The following GOLGA7B variants were observed in gnomAD, a reference collection of about 807,000 sequenced individuals.
GOLGA7B encodes golgin A7 family member B.
In GOLGA7B, 17 loss-of-function variants were observed where a neutral mutation model predicts 21.5. That is an observed-to-expected ratio of 0.79 (90% CI 0.54 to 1.19). The LOEUF (loss-of-function observed/expected upper bound fraction) is 1.19, where lower values mean the gene tolerates loss of function less well. Ranked by LOEUF, GOLGA7B falls within the 50% of genes most tolerant of loss-of-function variation. The pLI, the probability that GOLGA7B is intolerant of heterozygous loss-of-function variation, is 0.00. For synonymous variants in GOLGA7B, 87 were observed against 84.0 expected, an observed-to-expected ratio of 1.04 and a Z score of -0.19; for missense variants, 169 against 224.4, an observed-to-expected ratio of 0.75 and a Z score of 1.58.
intron 1 of GOLGA7B, among the ~76,000 whole-genome samples, 179 bp downstream of exon 1, chr10:97,850,494 A>C (rs1057376795): frequency 5.3e-5 from 8 of 151,660 alleles, no homozygotes; most frequent in African/African-American, 1.9e-4. Flanking sequence ...CTTGCGTGTC[A>C]ATCTTCCCCT....
At chr10:97,862,686 G>GACCCAC (rs1287327228) in intron 2 of GOLGA7B, among the ~76,000 whole-genome samples, 2 of 152,012 alleles carry the variant, frequency 1.3e-5, no homozygotes, top group Admixed American at 1.3e-4. Flanking sequence ...CATATACATG[G>GACCCAC]ACCCACACAG....
intron 1 of GOLGA7B, among the ~76,000 whole-genome samples, chr10:97,856,390 G>A (rs924568322): frequency 6.6e-6 from 1 of 152,184 alleles, no homozygotes; most frequent in Non-Finnish European, 1.5e-5. Context: ...CTCCACTCAT[G>A]TTGCTGCAAA....
intron 1 of GOLGA7B, among the ~76,000 whole-genome samples, chr10:97,853,602 G>T (rs1469317525): frequency 6.6e-6 from 1 of 152,180 alleles, no homozygotes; most frequent in Non-Finnish European, 1.5e-5. Context: ...TCACTCTGCT[G>T]CCAGTGAGCC....
Position 97,868,949 on chromosome 10 carries a change from C to T in GOLGA7B, c.*3249C>T, listed in dbSNP as rs999192262. The T allele has an allele frequency of 1.3e-5, 2 of 152,242 alleles. No homozygotes were observed. The highest frequency in any genetic ancestry group is 4.1e-4 in the South Asian group (2 of 4,836). The allele number at this position is 152,242 out of a possible 1,614,324, so 9.4% of individuals were successfully genotyped here. ...ATTAGTCATTCAATTCTCACAGCAACCCTCTATGGCATGGATTCTTATTTC... is the reference window on the plus strand; with the variant it reads ...ATTAGTCATTCAATTCTCACAGCAATCCTCTATGGCATGGATTCTTATTTC... On this transcript the variant is annotated 3_prime_UTR_variant, in exon 5 of 5. Transcript: ENST00000370602.
intron 4 of GOLGA7B, chr10:97,865,310 C>T: frequency 2.2e-6 from 1 of 447,164 alleles, no homozygotes; most frequent in Non-Finnish European, 3.9e-6. Flanking sequence ...TCATTAGACC[C>T]ACTGGAATGT....
chr10:97,859,715 A>C (rs2049959096), intron 2 of GOLGA7B, 132 bp downstream of exon 2: 1 of 873,716 alleles, frequency 1.1e-6, no homozygotes, highest in Middle Eastern at 2.7e-4. Flanking sequence ...CCACTTCAAA[A>C]GGATGAATTT....
chr10:97,865,870 A>ATG lies in GOLGA7B; in HGVS notation c.*171_*172dup, dbSNP rs1020339503. The ATG allele has an allele frequency of 1.9e-5, 22 of 1,139,814 alleles. No individual in the cohort carries two copies. The highest frequency in any genetic ancestry group is 2.6e-5 in the Non-Finnish European group (22 of 833,152). 70.6% of individuals were successfully genotyped at this position (1,139,814 alleles called of 1,614,324 possible). A position where few individuals can be genotyped will look rare whatever the true frequency, so the allele number is the denominator to read the frequency against. ...CATATTTCCTGTGGGCCATCAACCT[A>ATG]TGCCCCCTGTCCCTCACCCCCGTCT... is the stretch of plus-strand genomic sequence containing the variant. On this transcript the variant is annotated 3_prime_UTR_variant, in exon 5 of 5. Coordinates refer to ENST00000370602, the MANE Select transcript of GOLGA7B (RefSeq NM_001010917.3).
In GOLGA7B at chr10:97,857,455, A is replaced by T. The variant is rs577404556; in HGVS notation, c.13-2003A>T. ...CTATGAGGAGAACTACAAAACACTG[A>T]TGAAAGAAATCGTAGATAACACAGA... On this transcript the variant is annotated intron_variant, in intron 1 of 4. Coordinates refer to ENST00000370602, the MANE Select transcript of GOLGA7B (RefSeq NM_001010917.3). Among the ~76,000 whole-genome samples the T allele has an allele frequency of 6.6e-5, 10 of 152,182 alleles. No homozygotes were observed. In the East Asian group the frequency reaches 1.9e-3, roughly 29 times the overall value.
chr10:97,865,463 C>T (rs574940451), intron 4 of GOLGA7B, 127 bp from the exon 5 acceptor site: 14 of 1,501,988 alleles, frequency 9.3e-6, no homozygotes, highest in Non-Finnish European at 1.2e-5. Flanking sequence ...CAGGCCTTTA[C>T]ATCCCTACTG....
At chr10:97,854,500 T>C (rs1389310385) in intron 1 of GOLGA7B, among the ~76,000 whole-genome samples, 1 of 152,230 alleles carries the variant, frequency 6.6e-6, no homozygotes, top group Non-Finnish European at 1.5e-5. Flanking sequence ...GTACTCTATG[T>C]AGGTCTGGGA....
intron 1 of GOLGA7B, among the ~76,000 whole-genome samples, chr10:97,854,210 G>T (rs547384411): frequency 6.6e-6 from 1 of 152,334 alleles, no homozygotes; most frequent in South Asian, 2.1e-4. Flanking sequence ...CATAATCCCT[G>T]ATAAAGCCTC....
In GOLGA7B at chr10:97,864,220, C is replaced by G; in HGVS notation, c.344C>G (p.Ala115Gly). Reference protein sequence around the residue: ...YIQEQNEKIFAPRGLLLTDPV... With the variant: ...YIQEQNEKIFGPRGLLLTDPV... ...CAGGAGCAGAATGAGAAGATCTTTG[C>G]ACCTCGAGGCCTCCTACTTACAGAC... is the stretch of plus-strand genomic sequence containing the variant. Residue 115 changes from alanine (A) to glycine (G), a missense_variant, in exon 4 of 5, where the codon GCA becomes GGA. Physicochemically the swap from Ala to Gly is moderately conservative, Grantham distance 60. Transcript: ENST00000370602. 6.2e-7 allele frequency: 1 copy of G among 1,614,136 alleles called. No homozygotes were observed. The highest frequency in any genetic ancestry group is 8.5e-7 in the Non-Finnish European group (1 of 1,180,002).
intron 2 of GOLGA7B, among the ~76,000 whole-genome samples, chr10:97,863,122 G>T (rs1490876329): frequency 6.6e-6 from 1 of 152,164 alleles, no homozygotes; most frequent in Admixed American, 6.5e-5. Context: ...GGAAGTTAGG[G>T]CAGGAGCAGG....
rs2049993994 is a variant in GOLGA7B, at chr10:97,864,230, C to A, written c.354C>A (p.Gly118=). 3 of 1,614,050 alleles carry A rather than the reference C, an allele frequency of 1.9e-6. No individual in the cohort carries two copies. The Admixed American group carries it at 5.0e-5, about 27-fold the overall frequency. ...EQNEKIFAPR[G]LLLTDPVERG... ...ATGAGAAGATCTTTGCACCTCGAGGCCTCCTACTTACAGACCCTGTGGAGC... is the reference window on the plus strand; with the variant it reads ...ATGAGAAGATCTTTGCACCTCGAGGACTCCTACTTACAGACCCTGTGGAGC... Residue 118 remains glycine (G), a synonymous_variant, in exon 4 of 5, where the codon GGC becomes GGA. Transcript: ENST00000370602.
At position 97,869,210 on chromosome 10, in the gene GOLGA7B, T is replaced by G. The variant is rs1242320247; in HGVS notation, c.*3510T>G. 6.6e-6 allele frequency: 1 copy of G among 152,296 alleles called. No individual in the cohort carries two copies. 9.4% of individuals were successfully genotyped at this position (152,296 alleles called of 1,614,324 possible). A position where few individuals can be genotyped will look rare whatever the true frequency, so the allele number is the denominator to read the frequency against. On this transcript the variant is annotated 3_prime_UTR_variant, in exon 5 of 5. Transcript: ENST00000370602. ...TTTGAGGCCGGGCTGGCACCTCCAC[T>G]TCCAGGGCATCACGGGAGGGTGCAT... is the stretch of plus-strand genomic sequence containing the variant.
chr10:97,870,540 C>A lies in GOLGA7B; in HGVS notation c.*4840C>A, dbSNP rs1196231745. The A allele has an allele frequency of 6.6e-6, 1 of 152,092 alleles. No individual in the cohort carries two copies. The highest frequency in any genetic ancestry group is 6.5e-5 in the Admixed American group (1 of 15,268). The allele number at this position is 152,092 out of a possible 1,614,324, so 9.4% of individuals were successfully genotyped here. ...TGCCAGTTACACGGGGTGCTCACTT[C>A]ATGAGAATTCACTGAGCTGTATACT... On this transcript the variant is annotated 3_prime_UTR_variant, in exon 5 of 5. Coordinates refer to ENST00000370602, the MANE Select transcript of GOLGA7B (RefSeq NM_001010917.3).
intron 2 of GOLGA7B, among the ~76,000 whole-genome samples, chr10:97,862,813 T>A (rs138248413): frequency 1.3e-5 from 2 of 152,026 alleles, no homozygotes; most frequent in Non-Finnish European, 2.9e-5. Context: ...GAGAGGTGAA[T>A]GATCCTGGGC....
chr10:97,851,511 C>T (rs2049905654), intron 1 of GOLGA7B, among the ~76,000 whole-genome samples: 3 of 152,170 alleles, frequency 2.0e-5, no homozygotes, highest in African/African-American at 7.2e-5. Flanking sequence ...TGAGGGCAAG[C>T]CCTGGGCAGA....
Position 97,867,600 on chromosome 10 carries a change from C to T in GOLGA7B, c.*1900C>T, listed in dbSNP as rs2050043559. On this transcript the variant is annotated 3_prime_UTR_variant, in exon 5 of 5. Transcript: ENST00000370602. Reference sequence around the variant, plus strand: ...AGTTCAGTGGGCTCCACCGCAGCCCCTGGCCACGGCCTATGCCCTCCCTGG... The same window carrying T: ...AGTTCAGTGGGCTCCACCGCAGCCCTTGGCCACGGCCTATGCCCTCCCTGG... 1 of 152,448 alleles carries T rather than the reference C, an allele frequency of 6.6e-6. No individual in the cohort carries two copies. The highest frequency in any genetic ancestry group is 6.5e-5 in the Admixed American group (1 of 15,290). 9.4% of individuals were successfully genotyped at this position (152,448 alleles called of 1,614,324 possible).
Sources: gnomAD v4.1 joint callset for allele counts (sites outside exome capture counted in the v4.1 genomes callset) on GRCh38, gnomAD v4.1.1 for gene constraint, MANE v1.5 for transcripts, NCBI Gene and HGNC (gene_info 2026-07-23, HGNC 2026-07-21) for gene names.